The following TRDN variants were observed in gnomAD, a reference collection of about 807,000 sequenced individuals.
TRDN encodes triadin.
Under a neutral mutation model 149.7 loss-of-function variants are expected in TRDN, and 161 were observed. That is an observed-to-expected ratio of 1.08 (90% CI 0.95 to 1.23). The LOEUF (loss-of-function observed/expected upper bound fraction) is 1.23. Ranked by LOEUF, TRDN falls within the 50% of genes most tolerant of loss-of-function variation. The pLI is 0.00. For missense variants in TRDN, 896 were observed against 823.5 expected, an observed-to-expected ratio of 1.09 and a Z score of -1.08; for synonymous variants, 294 against 250.5, an observed-to-expected ratio of 1.17 and a Z score of -1.64.
intron 24 of TRDN, among the ~76,000 whole-genome samples, chr6:123,304,252 CTTTTTTT>C (rs71649806): frequency 1.6e-5 from 2 of 128,954 alleles, no homozygotes; most frequent in African/African-American, 2.8e-5. Context: ...CTTTTATTTT[CTTTTTTT>C]TTTTTTTTTT....
intron 20 of TRDN, among the ~76,000 whole-genome samples, chr6:123,356,579 C>T (rs1198860440): frequency 1.4e-5 from 2 of 138,090 alleles, no homozygotes. Flanking sequence ...TTTGGTATTA[C>T]AGTAATTCTA....
intron 40 of TRDN, among the ~76,000 whole-genome samples, chr6:123,219,245 T>C (rs1229925073): frequency 6.6e-6 from 1 of 151,776 alleles, no homozygotes; most frequent in Non-Finnish European, 1.5e-5. Context: ...GGTGGCTTGG[T>C]TGCTCTTTGA....
At chr6:123,367,660 T>C (rs1781161713) in intron 19 of TRDN, among the ~76,000 whole-genome samples, 1 of 152,232 alleles carries the variant, frequency 6.6e-6, no homozygotes, top group African/African-American at 2.4e-5. Flanking sequence ...TCAATGGCTC[T>C]TAAACTTAAG....
At chr6:123,468,780 T>C (rs1178103210) in intron 9 of TRDN, 1 of 152,172 alleles carries the variant, frequency 6.6e-6, no homozygotes, top group Non-Finnish European at 1.5e-5. Flanking sequence ...AAGGCTGTTT[T>C]TTTCTCTACC....
chr6:123,504,793 T>C (rs1056052864), intron 7 of TRDN, among the ~76,000 whole-genome samples: 3 of 152,194 alleles, frequency 2.0e-5, no homozygotes, highest in African/African-American at 4.8e-5. Flanking sequence ...GCACATAATT[T>C]GTGGAAAATT....
Position 123,613,950 on chromosome 6 carries a change from T to G in TRDN, c.22+22804A>C, listed in dbSNP as rs1210087341. Among the ~76,000 whole-genome samples, 3 of 152,116 alleles carry G rather than the reference T, an allele frequency of 2.0e-5. No individual in the cohort carries two copies. In the East Asian group the frequency reaches 5.8e-4, roughly 29 times the overall value. On this transcript the variant is annotated intron_variant, in intron 1 of 40. Coordinates refer to ENST00000334268, the MANE Select transcript of TRDN (RefSeq NM_006073.4). ...TCCTCTGGTCCTTTCTCACAGGATA[T>G]CCATTGGTTTATTCATTTCAGTTGA...
intron 13 of TRDN, among the ~76,000 whole-genome samples, chr6:123,388,986 A>C (rs1039140098): frequency 6.6e-6 from 1 of 152,178 alleles, no homozygotes; most frequent in African/African-American, 2.4e-5. Flanking sequence ...TGCAGTCTAC[A>C]TTTGCACTTA....
intron 1 of TRDN, among the ~76,000 whole-genome samples, chr6:123,571,356 C>T (rs527365726): frequency 6.6e-6 from 1 of 152,162 alleles, no homozygotes; most frequent in Non-Finnish European, 1.5e-5. Flanking sequence ...CAGTGTTTCT[C>T]ATCTCCTAAG....
chr6:123,386,289 T>C (rs773940951), intron 14 of TRDN, among the ~76,000 whole-genome samples: 13 of 152,124 alleles, frequency 8.5e-5, no homozygotes, highest in Non-Finnish European at 1.9e-4. Context: ...GACCAACTTC[T>C]CAGAGACAGG....
chr6:123,610,367 A>C (rs1784739741), intron 1 of TRDN, among the ~76,000 whole-genome samples: 1 of 152,144 alleles, frequency 6.6e-6, no homozygotes, highest in South Asian at 2.1e-4. Flanking sequence ...GCTTGATAAC[A>C]TCACTTATGT....
rs572145083 is a variant in TRDN at position 123,509,252 on chromosome 6, G to T, written c.610+3051C>A. On this transcript the variant is annotated intron_variant, in intron 7 of 40. Transcript: ENST00000334268. ...TTTAAATGGAAAGTATTTATGGCAA[G>T]CAGACTCAAGATGGCTCCCAGTGAC... Among the ~76,000 whole-genome samples, 7 of 152,042 alleles carry T rather than the reference G, an allele frequency of 4.6e-5. No individual in the cohort carries two copies. In the East Asian group the frequency reaches 1.4e-3, roughly 30 times the overall value.
intron 5 of TRDN, among the ~76,000 whole-genome samples, chr6:123,530,243 T>A (rs559057640): frequency 1.3e-5 from 2 of 152,168 alleles, no homozygotes; most frequent in East Asian, 3.9e-4. Context: ...TGAGCTACTC[T>A]CTTAGTAATT....
intron 38 of TRDN, among the ~76,000 whole-genome samples, chr6:123,229,944 T>C (rs989512733): frequency 6.6e-6 from 1 of 152,044 alleles, no homozygotes; most frequent in African/African-American, 2.4e-5. Context: ...TTTTATTCTC[T>C]AGAGCGGTGG....
rs367716594 is a variant in TRDN, at chr6:123,274,649, G to C, written c.1589C>G (p.Ala530Gly). ...AATAAAGCTCATGTTACCTGGTTTT[G>C]CTTCTTTTTTAATTTGGGGCTCTGA... Reference protein sequence around the residue: ...EKPEPQIKKEAKPAISEKVQI... With the variant: ...EKPEPQIKKEGKPAISEKVQI... The change falls in exon 27 of 41, where the codon GCA becomes GGA. Residue 530 changes from alanine to glycine, a missense_variant. By Grantham distance (60) the Ala-to-Gly change is moderately conservative. Coordinates refer to ENST00000334268, the MANE Select transcript of TRDN (RefSeq NM_006073.4). The C allele has an allele frequency of 1.6e-5, 25 of 1,608,126 alleles. No homozygotes were observed. Among genetic ancestry groups the C allele is most frequent in the Non-Finnish European group, 1.7e-5 (20 of 1,176,880 alleles).
intron 1 of TRDN, among the ~76,000 whole-genome samples, chr6:123,585,148 G>A (rs539544550): frequency 1.4e-5 from 2 of 139,668 alleles, no homozygotes; most frequent in Non-Finnish European, 3.2e-5. Context: ...TTAAGGTGGG[G>A]GAATACAAGA....
chr6:123,517,913 G>A (rs546050483), intron 5 of TRDN, among the ~76,000 whole-genome samples: 10 of 152,026 alleles, frequency 6.6e-5, no homozygotes, highest in Admixed American at 6.6e-4. Context: ...CTCAGTAAAT[G>A]AAATCCTTAG....
intron 7 of TRDN, among the ~76,000 whole-genome samples, chr6:123,510,944 A>G (rs776237682): frequency 6.6e-6 from 1 of 152,158 alleles, no homozygotes; most frequent in Non-Finnish European, 1.5e-5. Context: ...GTGCCCAGCC[A>G]ATTATTTCTT....
intron 1 of TRDN, among the ~76,000 whole-genome samples, chr6:123,606,027 A>G (rs1323318112): frequency 6.6e-6 from 1 of 152,140 alleles, no homozygotes; most frequent in African/African-American, 2.4e-5. Flanking sequence ...GTGCTCATTC[A>G]ATGTTACCAA....
chr6:123,556,267 A>G (rs968646174), intron 2 of TRDN, among the ~76,000 whole-genome samples: 3 of 152,206 alleles, frequency 2.0e-5, no homozygotes, highest in Non-Finnish European at 4.4e-5. Context: ...AAATAGTTGT[A>G]TACAATCACT....
Sources: gnomAD v4.1 joint callset for allele counts (sites outside exome capture counted in the v4.1 genomes callset) on GRCh38, gnomAD v4.1.1 for gene constraint, MANE v1.5 for transcripts, NCBI Gene and HGNC (gene_info 2026-07-23, HGNC 2026-07-21) for gene names.